Variants in WDR7 observed in about 807,000 individuals in gnomAD.
The protein encoded by WDR7 is WD repeat-containing protein 7.
WDR7 carries 46 observed loss-of-function variants against 169.4 expected under a neutral mutation model. That is an observed-to-expected ratio of 0.27 (90% confidence interval 0.21 to 0.35). The LOEUF is 0.35. Among genes scored for constraint, WDR7 ranks in the 10% least tolerant of loss-of-function variants. The pLI, the probability that WDR7 is intolerant of heterozygous loss-of-function variation, is 1.00. For synonymous variants in WDR7, 612 were observed against 666.8 expected (o/e 0.92, Z 1.27); for missense variants, 1,534 against 1,859.3 (o/e 0.83, Z 3.22).
At chr18:56,970,998 G>A (rs1048383043) in intron 26 of WDR7, among the ~76,000 whole-genome samples, 1 of 152,148 alleles carries the variant, frequency 6.6e-6, no homozygotes, top group South Asian at 2.1e-4. Context: ...CCAGCTGGGC[G>A]CAGTGGCTCG....
At chr18:56,844,919 A>C (rs2045545013) in intron 20 of WDR7, among the ~76,000 whole-genome samples, 1 of 152,210 alleles carries the variant, frequency 6.6e-6, no homozygotes, top group Non-Finnish European at 1.5e-5. Context: ...TATAATTATT[A>C]CAGTATATTA....
chr18:56,980,144 G>T (rs2047620660), intron 26 of WDR7, among the ~76,000 whole-genome samples: 1 of 152,218 alleles, frequency 6.6e-6, no homozygotes, highest in Non-Finnish European at 1.5e-5. Flanking sequence ...TTTAGGTCAT[G>T]ATGAGACATA....
intron 20 of WDR7, among the ~76,000 whole-genome samples, chr18:56,860,370 C>A (rs750615453): frequency 1.8e-4 from 28 of 152,106 alleles, no homozygotes; most frequent in Non-Finnish European, 3.2e-4. Context: ...CATAGCTCAT[C>A]CCAGCTAAAG....
At chr18:56,747,145 G>A (rs2043717827) in intron 14 of WDR7, among the ~76,000 whole-genome samples, 1 of 152,254 alleles carries the variant, frequency 6.6e-6, no homozygotes, top group Admixed American at 6.5e-5. Context: ...AATCTCTACA[G>A]AATGAATGTT....
chr18:56,842,909 G>C (rs1388150723), intron 20 of WDR7, among the ~76,000 whole-genome samples: 1 of 152,176 alleles, frequency 6.6e-6, no homozygotes, highest in African/African-American at 2.4e-5. Context: ...TGTGCTACTA[G>C]AAAATTACAG....
At chr18:56,996,105 A>G (rs1322597859) in intron 26 of WDR7, among the ~76,000 whole-genome samples, 1 of 152,158 alleles carries the variant, frequency 6.6e-6, no homozygotes. Flanking sequence ...AGTATTTAAT[A>G]AGGAGCTGAC....
chr18:56,864,613 A>G (rs796930949), intron 20 of WDR7, among the ~76,000 whole-genome samples: 5 of 151,834 alleles, frequency 3.3e-5, no homozygotes, highest in African/African-American at 4.8e-5. Flanking sequence ...ATTCTGTGTT[A>G]TGTATTTAAC....
At chr18:56,701,176 A>C (rs1190406029) in intron 12 of WDR7, among the ~76,000 whole-genome samples, 1 of 152,230 alleles carries the variant, frequency 6.6e-6, no homozygotes, top group African/African-American at 2.4e-5. Flanking sequence ...ACTATAAATC[A>C]CAAATGTTTT....
intron 20 of WDR7, among the ~76,000 whole-genome samples, chr18:56,821,954 G>A (rs113588823): frequency 1.3e-3 from 195 of 152,154 alleles, no homozygotes; most frequent in African/African-American, 4.3e-3. Context: ...AGCCATGTTC[G>A]AACCACTGCA....
At chr18:56,807,635 G>A (rs1351772171) in intron 19 of WDR7, among the ~76,000 whole-genome samples, 3 of 149,422 alleles carry the variant, frequency 2.0e-5, no homozygotes, top group Admixed American at 6.7e-5. Context: ...GTTGCTTTCA[G>A]AATTGCTAAT....
Position 56,715,693 on chromosome 18 carries a change from G to C in WDR7, c.1579-2271G>C, listed in dbSNP as rs1598984807. Among the ~76,000 whole-genome samples the C allele has an allele frequency of 3.3e-5, 5 of 152,052 alleles. No homozygotes were observed. In the East Asian group the frequency reaches 9.6e-4, roughly 29 times the overall value. On this transcript the variant is annotated intron_variant, in intron 12 of 27. Transcript: ENST00000254442. Reference sequence around the variant, plus strand: ...ATTATAGATATAAAACAGTAGTGTTGGGTGTGTGAATACTGTGACTGATCA... The same window carrying C: ...ATTATAGATATAAAACAGTAGTGTTCGGTGTGTGAATACTGTGACTGATCA...
At chr18:56,737,462 C>A (rs2026725416) in intron 14 of WDR7, among the ~76,000 whole-genome samples, 1 of 152,114 alleles carries the variant, frequency 6.6e-6, no homozygotes, top group Non-Finnish European at 1.5e-5. Flanking sequence ...TTGTGCCAAT[C>A]AGAATCACCT....
intron 12 of WDR7, among the ~76,000 whole-genome samples, chr18:56,712,776 AGTTGAT>A (rs570334088): frequency 8.9e-4 from 136 of 152,360 alleles, no homozygotes; most frequent in African/African-American, 3.1e-3. Context: ...TCTTTAAGTC[AGTTGAT>A]AGCAGCGGTT....
At chr18:56,731,914 G>A (rs182599463) in intron 14 of WDR7, among the ~76,000 whole-genome samples, 164 of 152,236 alleles carry the variant, frequency 1.1e-3, no homozygotes, top group African/African-American at 3.9e-3. Flanking sequence ...GAAAGATTGA[G>A]CACTAGCTAA....
At chr18:56,724,820 C>G (rs1024626071) in intron 13 of WDR7, among the ~76,000 whole-genome samples, 2 of 152,068 alleles carry the variant, frequency 1.3e-5, no homozygotes, top group South Asian at 4.2e-4. Context: ...CACCCCACAA[C>G]AGGCCCTGGT....
intron 19 of WDR7, among the ~76,000 whole-genome samples, chr18:56,790,004 A>G (rs1398970922): frequency 6.6e-6 from 1 of 152,220 alleles, no homozygotes; most frequent in East Asian, 1.9e-4. Flanking sequence ...ATGACCTAAT[A>G]TTAGTTTCTG....
chr18:56,926,598 A>T (rs2046812458), intron 22 of WDR7, among the ~76,000 whole-genome samples: 1 of 152,206 alleles, frequency 6.6e-6, no homozygotes. Context: ...ATCTACATGT[A>T]GTTTGTCCAC....
rs142760610 is a variant in WDR7 at position 56,878,458 on chromosome 18, A to T, written c.3305-1486A>T. Among the ~76,000 whole-genome samples, 174 of 152,174 alleles carry T rather than the reference A, an allele frequency of 1.1e-3. 1 individual carries two copies. Among genetic ancestry groups the T allele is most frequent in the Non-Finnish European group, 2.3e-3 (155 of 67,990 alleles). ...TTAGAAACCTGAGCTGTTTATTTTC[A>T]TGCTTGTTATTTTCTGATCCAAAGT... On this transcript the variant is annotated intron_variant, in intron 20 of 27. Coordinates refer to ENST00000254442, the MANE Select transcript of WDR7 (RefSeq NM_015285.3).
At chr18:56,730,657 T>A (rs1381177907) in intron 13 of WDR7, among the ~76,000 whole-genome samples, 1 of 151,996 alleles carries the variant, frequency 6.6e-6, no homozygotes, top group Non-Finnish European at 1.5e-5. Context: ...TCCCAGCTAC[T>A]CGGGAGGCTG....
Sources: gnomAD v4.1 joint callset for allele counts (sites outside exome capture counted in the v4.1 genomes callset) on GRCh38, gnomAD v4.1.1 for gene constraint, MANE v1.5 for transcripts, NCBI Gene and HGNC (gene_info 2026-07-23, HGNC 2026-07-21) for gene names.